CTNNA3: variants seen among roughly 807,000 people sequenced by gnomAD.
CTNNA3 encodes catenin alpha-3.
In CTNNA3, 76 loss-of-function variants were observed where a neutral mutation model predicts 95.7. That is an observed-to-expected ratio of 0.79 (90% CI 0.66 to 0.96). CTNNA3 has a LOEUF of 0.96. CTNNA3 is among the 40% of genes least tolerant of loss of function. CTNNA3 has a pLI of 0.00. For synonymous variants in CTNNA3, 431 were observed against 374.4 expected (o/e 1.15, Z -1.74); for missense variants, 1,191 against 1,089.8 (o/e 1.09, Z -1.31).
chr10:66,333,905 G>T (rs2092362878), intron 12 of CTNNA3, among the ~76,000 whole-genome samples: 1 of 151,892 alleles, frequency 6.6e-6, no homozygotes, highest in East Asian at 1.9e-4. Context: ...TTATGAATCT[G>T]GGTGCTCCTG....
chr10:66,662,970 G>A lies in CTNNA3; in HGVS notation c.1282-41186C>T, dbSNP rs575798917. On this transcript the variant is annotated intron_variant, in intron 9 of 17. Transcript: ENST00000433211. ...TTCATTCTATGGTCTTTCCTCCCTT[G>A]AACCCACTCCAGTCAAGATTTTGAC... Among the ~76,000 whole-genome samples the A allele has an allele frequency of 2.7e-3, 417 of 151,986 alleles. 1 individual carries two copies. The highest frequency in any genetic ancestry group is 0.014 in the Middle Eastern group (4 of 294).
At chr10:66,975,979 T>C (rs1209181630) in intron 7 of CTNNA3, among the ~76,000 whole-genome samples, 1 of 152,196 alleles carries the variant, frequency 6.6e-6, no homozygotes, top group Non-Finnish European at 1.5e-5. Context: ...CTACTGCAGT[T>C]AAAAACCAGA....
intron 7 of CTNNA3, among the ~76,000 whole-genome samples, chr10:66,819,746 T>C (rs1014990841): frequency 6.6e-6 from 1 of 152,182 alleles, no homozygotes; most frequent in African/African-American, 2.4e-5. Context: ...TCAGTATCAA[T>C]TGTCATTAGA....
intron 11 of CTNNA3, among the ~76,000 whole-genome samples, chr10:66,516,348 C>G (rs192049721): frequency 6.6e-6 from 1 of 152,286 alleles, no homozygotes; most frequent in Non-Finnish European, 1.5e-5. Context: ...GTATTTTAGG[C>G]AAACATGTCT....
intron 7 of CTNNA3, among the ~76,000 whole-genome samples, chr10:66,846,316 A>C (rs77854420): frequency 0.011 from 1,716 of 152,244 alleles, 42 homozygotes; most frequent in African/African-American, 0.039. Context: ...TGGGGGAAAT[A>C]AATGTACAGT....
intron 13 of CTNNA3, among the ~76,000 whole-genome samples, chr10:66,273,259 A>G (rs1442079520): frequency 6.6e-6 from 1 of 152,168 alleles, no homozygotes; most frequent in Non-Finnish European, 1.5e-5. Flanking sequence ...CTGCAATACT[A>G]TATGACTAAT....
chr10:66,946,981 A>C (rs1848306866), intron 7 of CTNNA3, among the ~76,000 whole-genome samples: 1 of 152,144 alleles, frequency 6.6e-6, no homozygotes. Context: ...ATTCATGTAC[A>C]CAACCAGCTC....
chr10:67,141,260 A>G (rs533419353), intron 7 of CTNNA3, among the ~76,000 whole-genome samples: 8 of 152,140 alleles, frequency 5.3e-5, no homozygotes, highest in African/African-American at 1.7e-4. Context: ...ACACTTATCA[A>G]CCTAAGAGGA....
At chr10:66,079,127 TATTGTATTATAGC>T (rs1477060133) in intron 14 of CTNNA3, 2 of 151,996 alleles carry the variant, frequency 1.3e-5, no homozygotes, top group African/African-American at 4.8e-5. Flanking sequence ...TTCATCCTAT[TATTGTATTATAGC>T]ATAGTACAAT....
chr10:65,971,536 G>A (rs780040416), intron 16 of CTNNA3, among the ~76,000 whole-genome samples: 1 of 151,380 alleles, frequency 6.6e-6, no homozygotes, highest in Non-Finnish European at 1.5e-5. Context: ...AGAAACTATT[G>A]GGAACACATC....
At chr10:66,365,577 T>C (rs893801494) in intron 12 of CTNNA3, among the ~76,000 whole-genome samples, 1 of 152,172 alleles carries the variant, frequency 6.6e-6, no homozygotes, top group Non-Finnish European at 1.5e-5. Flanking sequence ...TGGGACCATA[T>C]GAAGCATATC....
At chr10:66,079,027 GA>G (rs1234459356) in intron 14 of CTNNA3, 1 of 151,890 alleles carries the variant, frequency 6.6e-6, no homozygotes, top group African/African-American at 2.4e-5. Context: ...AGATGGAAAA[GA>G]AAATCTATCA....
At chr10:67,396,241 A>C (rs986358748) in intron 5 of CTNNA3, among the ~76,000 whole-genome samples, 6 of 152,194 alleles carry the variant, frequency 3.9e-5, no homozygotes, top group African/African-American at 1.4e-4. Flanking sequence ...TGAATCTAGA[A>C]AAATAGGATT....
intron 7 of CTNNA3, among the ~76,000 whole-genome samples, chr10:66,823,149 A>T (rs1291220563): frequency 6.6e-6 from 1 of 152,196 alleles, no homozygotes; most frequent in Non-Finnish European, 1.5e-5. Flanking sequence ...GAGTCTGGAA[A>T]ATCCATATAT....
chr10:65,960,566 G>A (rs537369871), intron 17 of CTNNA3, among the ~76,000 whole-genome samples: 8 of 152,246 alleles, frequency 5.3e-5, no homozygotes, highest in Middle Eastern at 3.4e-3. Flanking sequence ...GTGCAGTTTT[G>A]TTACAAGGGT....
chr10:66,808,397 T>C (rs528933602), intron 7 of CTNNA3, among the ~76,000 whole-genome samples: 4 of 152,164 alleles, frequency 2.6e-5, no homozygotes, highest in Admixed American at 2.0e-4. Flanking sequence ...AAAAGATATA[T>C]CTGACCATAC....
chr10:66,757,245 G>A (rs1839396237), intron 9 of CTNNA3, among the ~76,000 whole-genome samples: 1 of 152,080 alleles, frequency 6.6e-6, no homozygotes, highest in African/African-American at 2.4e-5. Context: ...CTCCACCTTA[G>A]GGCTGAGAGG....
At chr10:67,570,023 T>C (rs1181127638) in intron 3 of CTNNA3, among the ~76,000 whole-genome samples, 2 of 152,040 alleles carry the variant, frequency 1.3e-5, no homozygotes, top group Non-Finnish European at 2.9e-5. Context: ...TCAATAACAA[T>C]TCCACTTTCT....
At chr10:67,502,377 C>A (rs943071277) in intron 5 of CTNNA3, among the ~76,000 whole-genome samples, 1 of 152,136 alleles carries the variant, frequency 6.6e-6, no homozygotes, top group East Asian at 1.9e-4. Context: ...AGATGCCAGT[C>A]AGAGCTCTTC....
Sources: allele counts gnomAD v4.1 joint callset (sites outside exome capture counted in the v4.1 genomes callset), GRCh38; gene constraint gnomAD v4.1.1; transcripts MANE v1.5; gene names NCBI Gene and HGNC (gene_info 2026-07-23, HGNC 2026-07-21).